Variants in FRMD5 observed in about 807,000 individuals in gnomAD.
FRMD5 encodes the protein FERM domain containing 5.
A neutral mutation model predicts 69.0 loss-of-function variants in FRMD5; 20 were observed. The ratio of observed to expected loss-of-function variants is 0.29; its 90% CI spans 0.20 to 0.42. The LOEUF is 0.42. FRMD5 is among the 10% of genes least tolerant of loss of function. FRMD5 has a pLI of 1.00. For synonymous variants in FRMD5, 271 were observed against 260.1 expected, an observed-to-expected ratio of 1.04 and a Z score of -0.40; for missense variants, 595 against 708.6, an observed-to-expected ratio of 0.84 and a Z score of 1.82.
chr15:44,049,447 C>A (rs1892564935), intron 1 of FRMD5, among the ~76,000 whole-genome samples: 2 of 152,150 alleles, frequency 1.3e-5, no homozygotes, highest in South Asian at 4.1e-4. Context: ...CTCCTCCATT[C>A]CATATTCCAG....
chr15:43,981,352 T>C (rs1167695856), intron 1 of FRMD5, among the ~76,000 whole-genome samples: 2 of 152,132 alleles, frequency 1.3e-5, no homozygotes, highest in Admixed American at 6.6e-5. Flanking sequence ...GAAGAGGAAA[T>C]ATATTTACTA....
intron 1 of FRMD5, among the ~76,000 whole-genome samples, chr15:44,183,481 G>A (rs1445958590): frequency 6.6e-6 from 1 of 152,220 alleles, no homozygotes. Context: ...AGAATAGAAT[G>A]TGGTCAGCAC....
intron 1 of FRMD5, among the ~76,000 whole-genome samples, chr15:44,052,728 T>C (rs1269153620): frequency 6.6e-6 from 1 of 152,194 alleles, no homozygotes; most frequent in Non-Finnish European, 1.5e-5. Context: ...TTACACTCCA[T>C]TTAATACTTA....
intron 1 of FRMD5, among the ~76,000 whole-genome samples, chr15:44,118,642 T>G (rs907002162): frequency 3.3e-5 from 5 of 152,170 alleles, no homozygotes; most frequent in Non-Finnish European, 5.9e-5. Flanking sequence ...TTTTTAAAAT[T>G]CCAATTCAAA....
chr15:44,077,643 A>C (rs1309095074), intron 1 of FRMD5, among the ~76,000 whole-genome samples: 1 of 152,130 alleles, frequency 6.6e-6, no homozygotes, highest in Non-Finnish European at 1.5e-5. Flanking sequence ...GTGATCACTA[A>C]CAAATTTAGT....
In FRMD5 at chr15:43,874,189, G is replaced by A; in HGVS notation, c.1409C>T (p.Thr470Ile). The change falls in exon 14 of 14, where the codon ACA (threonine) becomes ATA (isoleucine). Residue 470 changes from threonine to isoleucine, a missense_variant. Physicochemically the swap from Thr to Ile is moderately conservative, Grantham distance 89. This residue lies in a region of FRMD5 where 245 missense variants were observed against 227.1 expected (regional missense o/e 1.08). Transcript: ENST00000417257. ...KESEASTPTA[T>I]EVEALGGELR... ...CTCTCCCCCAAGGGCCTCCACCTCT[G>A]TAGCAGTTGGGGTGCTGGCTTCAGA... is the stretch of plus-strand genomic sequence containing the variant. The A allele has an allele frequency of 1.9e-6, 3 of 1,614,220 alleles. No homozygotes were observed. The highest frequency in any genetic ancestry group is 2.5e-6 in the Non-Finnish European group (3 of 1,180,036).
intron 13 of FRMD5, among the ~76,000 whole-genome samples, chr15:43,874,719 G>C (rs1466771526): frequency 6.6e-6 from 1 of 152,004 alleles, no homozygotes; most frequent in East Asian, 1.9e-4. Context: ...GGCCAACGTG[G>C]TGAAACCCCA....
rs2088159225 is a variant in FRMD5 at position 43,871,471 on chromosome 15, A to AGGT, written c.*2411_*2413dup. 6.6e-6 allele frequency: 1 copy of AGGT among 152,244 alleles called. No homozygotes were observed. The highest frequency in any genetic ancestry group is 2.1e-4 in the South Asian group (1 of 4,828). The allele number at this position is 152,244 out of a possible 1,614,324, so 9.4% of individuals were successfully genotyped here. On this transcript the variant is annotated 3_prime_UTR_variant, in exon 14 of 14. Coordinates refer to ENST00000417257, the MANE Select transcript of FRMD5 (RefSeq NM_032892.5). ...ACTGAGGTAGGAGCACTACACTAAA[A>AGGT]GGTAATCTTCTATGTTGCATAAGAC...
intron 1 of FRMD5, among the ~76,000 whole-genome samples, chr15:43,971,062 T>TAAAAC (rs111273331): frequency 0.088 from 13,227 of 150,990 alleles, 786 homozygotes; most frequent in East Asian, 0.15. Context: ...TTGTCTCTAC[T>TAAAAC]AAAACAAAAC....
chr15:44,079,821 C>A (rs1181096637), intron 1 of FRMD5, among the ~76,000 whole-genome samples: 1 of 151,982 alleles, frequency 6.6e-6, no homozygotes, highest in African/African-American at 2.4e-5. Flanking sequence ...GAAGGCAATT[C>A]TAACTCATGC....
chr15:44,093,346 CA>C (rs145523304), intron 1 of FRMD5, among the ~76,000 whole-genome samples: 17 of 140,400 alleles, frequency 1.2e-4, no homozygotes, highest in East Asian at 4.2e-4. Context: ...TCCTTCAGGA[CA>C]AAAAAAAAAC....
chr15:43,951,985 TGTGTGTGTGTGTGTCTGTG>T (rs2090040375), intron 1 of FRMD5, among the ~76,000 whole-genome samples: 6 of 114,924 alleles, frequency 5.2e-5, no homozygotes, highest in African/African-American at 1.9e-4. Flanking sequence ...GTGTGTTGTG[TGTGTGTGTGTGTGTCTGTG>T]TGTGTGTGTG....
chr15:44,034,413 T>C (rs1445650439), intron 1 of FRMD5, among the ~76,000 whole-genome samples: 1 of 152,218 alleles, frequency 6.6e-6, no homozygotes, highest in African/African-American at 2.4e-5. Context: ...GTGTTGTCTT[T>C]AAAGGTTCAC....
intron 1 of FRMD5, among the ~76,000 whole-genome samples, chr15:44,101,213 C>T (rs1595463974): frequency 2.6e-5 from 4 of 151,870 alleles, no homozygotes; most frequent in South Asian, 4.2e-4. Flanking sequence ...TAGTCTTTCC[C>T]ACTCTGTGAT....
rs1242970072 is a variant in FRMD5 at position 43,913,033 on chromosome 15, C to CAA, written c.330-3056_330-3055dup. 5.4e-3 allele frequency among the ~76,000 whole-genome samples: 471 copies of CAA among 87,078 alleles called. 2 individuals are homozygous for CAA. The highest frequency in any genetic ancestry group is 0.016 in the African/African-American group (421 of 26,100). The allele number at this position is 87,078 out of a possible 152,430, so 57.1% of individuals were successfully genotyped here. A position where few individuals can be genotyped will look rare whatever the true frequency, so the allele number is the denominator to read the frequency against. On this transcript the variant is annotated intron_variant, in intron 4 of 13. Coordinates refer to ENST00000417257, the MANE Select transcript of FRMD5 (RefSeq NM_032892.5). ...GGCTGACGAGAGCAAAACTCCATCTCAAAAAAAAAAAAAAAAGAAAAGAAA... is the reference window on the plus strand; with the variant it reads ...GGCTGACGAGAGCAAAACTCCATCTCAAAAAAAAAAAAAAAAAAGAAAAGAAA...
intron 1 of FRMD5, among the ~76,000 whole-genome samples, chr15:44,083,403 T>C (rs1051220479): frequency 6.6e-6 from 1 of 152,160 alleles, no homozygotes; most frequent in Middle Eastern, 3.4e-3. Context: ...TTACTAATTG[T>C]AATATTTTAA....
Position 43,999,947 on chromosome 15 carries a change from GCCATGCATA to G in FRMD5, c.103-75647_103-75639del, listed in dbSNP as rs1354359117. ...TGTATATATATATATATATATATAT[GCCATGCATA>G]TATATATATATATATATATATATAT... is the stretch of plus-strand genomic sequence containing the variant. On this transcript the variant is annotated intron_variant, in intron 1 of 13. Transcript: ENST00000417257. 3.4e-3 allele frequency among the ~76,000 whole-genome samples: 335 copies of G among 97,858 alleles called. 11 individuals are homozygous for G. Among genetic ancestry groups the G allele is most frequent in the African/African-American group, 0.015 (316 of 21,068 alleles). 64.2% of individuals were successfully genotyped at this position (97,858 alleles called of 152,430 possible). A position where few individuals can be genotyped will look rare whatever the true frequency, so the allele number is the denominator to read the frequency against.
chr15:44,181,671 G>A (rs1303370251), intron 1 of FRMD5, among the ~76,000 whole-genome samples: 1 of 152,104 alleles, frequency 6.6e-6, no homozygotes, highest in Non-Finnish European at 1.5e-5. Context: ...GGATGTTGAC[G>A]TGGGAGGATT....
intron 12 of FRMD5, 109 bp from the exon 13 acceptor site, chr15:43,883,918 G>T: frequency 2.6e-6 from 2 of 779,110 alleles, no homozygotes; most frequent in Non-Finnish European, 4.5e-6. Context: ...TTAAGTCTTG[G>T]TCTCTCTCTT....
Sources: gnomAD v4.1 joint callset for allele counts (sites outside exome capture counted in the v4.1 genomes callset) on GRCh38, gnomAD v4.1.1 for gene constraint, gnomAD v4.1.1 regional missense constraint, MANE v1.5 for transcripts, NCBI Gene and HGNC (gene_info 2026-07-23, HGNC 2026-07-21) for gene names.